Variants in IP6K3 observed in about 807,000 individuals in gnomAD.
The protein encoded by IP6K3 is ATP:1D-myo-inositol-hexakisphosphate phosphotransferase.
IP6K3 carries 20 observed loss-of-function variants against 28.8 expected under a neutral mutation model. The ratio of observed to expected loss-of-function variants is 0.70; its 90% CI spans 0.49 to 1.01. The LOEUF (loss-of-function observed/expected upper bound fraction) is 1.01, where lower values mean the gene tolerates loss of function less well. Ranked by LOEUF, IP6K3 falls within the 50% of genes least tolerant of loss-of-function variation. IP6K3 has a pLI of 0.00. For synonymous variants in IP6K3, 213 were observed against 221.3 expected (o/e 0.96, Z 0.33); for missense variants, 480 against 537.1 (o/e 0.89, Z 1.05).
intron 2 of IP6K3, among the ~76,000 whole-genome samples, chr6:33,731,046 G>C (rs1766304640): frequency 2.0e-5 from 3 of 152,184 alleles, no homozygotes; most frequent in Non-Finnish European, 2.9e-5. Flanking sequence ...AGGAGGATTG[G>C]AGTGCTTTGT....
chr6:33,736,144 C>T (rs186314478), intron 1 of IP6K3, among the ~76,000 whole-genome samples: 46 of 152,240 alleles, frequency 3.0e-4, no homozygotes, highest in African/African-American at 4.1e-4. Flanking sequence ...GGATTATAGG[C>T]GTGAGCCACT....
intron 1 of IP6K3, among the ~76,000 whole-genome samples, chr6:33,743,231 A>G (rs994555291): frequency 1.3e-4 from 20 of 152,308 alleles, no homozygotes; most frequent in African/African-American, 4.1e-4. Context: ...TGGTGGGGAG[A>G]GGGCTTTCTG....
At chr6:33,751,950 G>A in the IP6K3 span, among the ~76,000 whole-genome samples, 1 of 152,182 alleles carries the variant, frequency 6.6e-6, no homozygotes, top group Non-Finnish European at 1.5e-5. This position sits in a 1 kb window ranked among gnomAD's most constrained non-coding sequence, Gnocchi z 4.3. Flanking sequence ...CACTGGGCTA[G>A]CTCTCCCAGC....
At chr6:33,736,383 G>C (rs899876748) in intron 1 of IP6K3, among the ~76,000 whole-genome samples, 1 of 151,952 alleles carries the variant, frequency 6.6e-6, no homozygotes, top group Non-Finnish European at 1.5e-5. Flanking sequence ...TTATGGGTAC[G>C]GGAGTGCTTG....
At chr6:33,735,739 C>A (rs1561907005) in intron 1 of IP6K3, 84 bp from the exon 2 acceptor site, 1 of 653,090 alleles carries the variant, frequency 1.5e-6, no homozygotes, top group Non-Finnish European at 2.5e-6. Flanking sequence ...CCCACACAGC[C>A]TCGACCCCAG....
At chr6:33,757,037 C>T in the IP6K3 span, among the ~76,000 whole-genome samples, 14 of 152,248 alleles carry the variant, frequency 9.2e-5, no homozygotes, top group Non-Finnish European at 1.6e-4. Flanking sequence ...AAGGCCCCTC[C>T]GGCCACTGCC....
chr6:33,752,226 G>T, the IP6K3 span, among the ~76,000 whole-genome samples: 6 of 152,236 alleles, frequency 3.9e-5, no homozygotes, highest in African/African-American at 1.4e-4. Context: ...CAATCTGTGT[G>T]TAACATTTAC....
intron 1 of IP6K3, among the ~76,000 whole-genome samples, chr6:33,736,493 C>T (rs1766530357): frequency 6.6e-6 from 1 of 151,592 alleles, no homozygotes; most frequent in Admixed American, 6.6e-5. Context: ...CAACTTTTGC[C>T]TCCCGGGTTC....
At position 33,746,185 on chromosome 6, in the gene IP6K3, C is replaced by T. The variant is rs1436817119; in HGVS notation, c.-180+573G>A. Among the ~76,000 whole-genome samples, 3 of 152,076 alleles carry T rather than the reference C, an allele frequency of 2.0e-5. No homozygotes were observed. The highest frequency in any genetic ancestry group is 4.8e-5 in the African/African-American group (2 of 41,380). On this transcript the variant is annotated intron_variant, in intron 1 of 5. Transcript: ENST00000293756. The surrounding 1 kb of genome is among the most constrained non-coding windows in gnomAD (Gnocchi z 6.5). ...GAGACATGTCTCCCACCCCCATGACCGCCATCCCGTGGTCTACCACCACCC... is the reference window on the plus strand; with the variant it reads ...GAGACATGTCTCCCACCCCCATGACTGCCATCCCGTGGTCTACCACCACCC...
intron 2 of IP6K3, among the ~76,000 whole-genome samples, chr6:33,734,448 G>A (rs1561905625): frequency 6.6e-6 from 1 of 152,168 alleles, no homozygotes; most frequent in African/African-American, 2.4e-5. Context: ...GGATATTATT[G>A]TCACCTTCAC....
intron 1 of IP6K3, among the ~76,000 whole-genome samples, chr6:33,736,164 C>G (rs775102013): frequency 1.3e-5 from 2 of 152,164 alleles, no homozygotes. Flanking sequence ...TGTGCCCAGC[C>G]AGAGACTTTA....
rs1429541127 is a variant in IP6K3, at chr6:33,744,490, TTGTG to T, written c.-180+2264_-180+2267del. On this transcript the variant is annotated intron_variant, in intron 1 of 5. Coordinates refer to ENST00000293756, the MANE Select transcript of IP6K3 (RefSeq NM_054111.5). The surrounding 1 kb of genome is among the most constrained non-coding windows in gnomAD (Gnocchi z 4.4). Reference sequence around the variant, plus strand: ...TGTGTGCGTGCATGTGTTTGTATGTTTGTGTGAGTGTGTGTGAATGCTTGTGCGT... The same window carrying T: ...TGTGTGCGTGCATGTGTTTGTATGTTTGAGTGTGTGTGAATGCTTGTGCGT... Among the ~76,000 whole-genome samples the T allele has an allele frequency of 1.3e-5, 2 of 152,106 alleles. No individual in the cohort carries two copies. The highest frequency in any genetic ancestry group is 2.9e-5 in the Non-Finnish European group (2 of 68,010).
At chr6:33,750,275 T>C (rs925222644), upstream of IP6K3, among the ~76,000 whole-genome samples, 2 of 152,124 alleles carry the variant, frequency 1.3e-5, no homozygotes, top group South Asian at 2.1e-4. The surrounding 1 kb of genome is among the most constrained non-coding windows in gnomAD (Gnocchi z 4.3). Flanking sequence ...CCCAGAGTGA[T>C]GTTTAGAAAC....
the IP6K3 span, among the ~76,000 whole-genome samples, chr6:33,756,438 A>G: frequency 6.6e-6 from 1 of 152,020 alleles, no homozygotes. Flanking sequence ...AGAGGAAGCC[A>G]GGGGAGAGAG....
At chr6:33,724,315 C>G (rs1398049847) in intron 5 of IP6K3, among the ~76,000 whole-genome samples, 1 of 152,158 alleles carries the variant, frequency 6.6e-6, no homozygotes, top group Non-Finnish European at 1.5e-5. Context: ...GACTACATTC[C>G]CGGCTTTCCA....
rs548305217 is a variant in IP6K3, at chr6:33,727,709, A to C, written c.413+378T>G. The C allele has an allele frequency of 2.5e-5, 13 of 513,594 alleles. No homozygotes were observed. The African/African-American group carries it at 2.7e-4, about 11-fold the overall frequency. 31.8% of individuals were successfully genotyped at this position (513,594 alleles called of 1,614,324 possible). On this transcript the variant is annotated intron_variant, in intron 3 of 5. Transcript: ENST00000293756. ...AGGGAAAGAGGTGATTTCTGAGAGC[A>C]ATTAGCCACACTTTTCCTCTACATA...
rs140055559 is a variant in IP6K3 at position 33,725,499 on chromosome 6, A to C, written c.707T>G (p.Met236Arg). Residue 236 changes from methionine to arginine, a missense_variant, in exon 5 of 6, where the codon ATG becomes AGG. Physicochemically the swap from Met to Arg is moderately conservative, Grantham distance 91. Coordinates refer to ENST00000293756, the MANE Select transcript of IP6K3 (RefSeq NM_054111.5). ...DASEEKKARH[M>R]RKCAQSTSAC... Reference sequence around the variant, plus strand: ...TGAGGTGCTCTGCGCACACTTCCTCATGTGGCGGGCCTTCTTCTCCTCCGA... The same window carrying C: ...TGAGGTGCTCTGCGCACACTTCCTCCTGTGGCGGGCCTTCTTCTCCTCCGA... 3.7e-6 allele frequency: 6 copies of C among 1,613,914 alleles called. No individual in the cohort carries two copies. The highest frequency in any genetic ancestry group is 5.1e-6 in the Non-Finnish European group (6 of 1,180,028).
the IP6K3 span, among the ~76,000 whole-genome samples, chr6:33,755,870 T>A: frequency 6.6e-6 from 1 of 152,236 alleles, no homozygotes; most frequent in African/African-American, 2.4e-5. Context: ...TATTTTATTT[T>A]ATTTATTTTT....
At chr6:33,756,848 G>C in the IP6K3 span, among the ~76,000 whole-genome samples, 721 of 152,302 alleles carry the variant, frequency 4.7e-3, 9 homozygotes, top group African/African-American at 0.015. Context: ...CCAGTTCAAG[G>C]CGTGTCCCCT....
Sources: gnomAD v4.1 joint callset for allele counts (sites outside exome capture counted in the v4.1 genomes callset) on GRCh38, gnomAD v4.1.1 for gene constraint, Gnocchi (gnomAD v3.1) non-coding constraint, MANE v1.5 for transcripts, NCBI Gene and HGNC (gene_info 2026-07-23, HGNC 2026-07-21) for gene names.